Variants in CAP1 observed in about 807,000 individuals in gnomAD.
CAP1 encodes the protein adenylyl cyclase-associated protein 1.
A neutral mutation model predicts 58.2 loss-of-function variants in CAP1; 11 were observed. The ratio of observed to expected loss-of-function variants is 0.19; its 90% CI spans 0.12 to 0.31. The LOEUF (loss-of-function observed/expected upper bound fraction) is 0.31. Among genes scored for constraint, CAP1 ranks in the 10% least tolerant of loss-of-function variants. The pLI is 1.00. For missense variants in CAP1, 423 were observed against 587.5 expected (o/e 0.72, Z 2.89); for synonymous variants, 183 against 213.8 (o/e 0.86, Z 1.26).
chr1:40,043,881 AAAAG>A (rs1645960289), intron 1 of CAP1, among the ~76,000 whole-genome samples: 1 of 151,800 alleles, frequency 6.6e-6, no homozygotes. Context: ...TCTCAAAAAA[AAAAG>A]AAAAGAAAAA....
At chr1:40,050,013 G>C (rs999733761) in intron 1 of CAP1, among the ~76,000 whole-genome samples, 1 of 152,154 alleles carries the variant, frequency 6.6e-6, no homozygotes, top group African/African-American at 2.4e-5. Flanking sequence ...TCCATATAAG[G>C]AAGAACTTTT....
At position 40,064,324 on chromosome 1, in the gene CAP1, T is replaced by C; in HGVS notation, c.392T>C (p.Leu131Pro). 1 of 1,614,180 alleles carries C rather than the reference T, an allele frequency of 6.2e-7. No homozygotes were observed. Among genetic ancestry groups the C allele is most frequent in the Non-Finnish European group, 8.5e-7 (1 of 1,180,002 alleles). The change falls in exon 5 of 13, where the codon CTG becomes CCG. Residue 131 changes from leucine to proline, a missense_variant. Physicochemically the swap from Leu to Pro is moderately conservative, Grantham distance 98. Coordinates refer to ENST00000372805, the MANE Select transcript of CAP1 (RefSeq NM_006367.4). ...CGAGGCAGCAAGTTGTTTAATCACC[T>C]GTCAGCTGTCAGCGAAAGTATCCAG... ...KNRGSKLFNH[L>P]SAVSESIQAL...
intron 1 of CAP1, among the ~76,000 whole-genome samples, chr1:40,059,032 T>TTTTTTTTTTTTTTTGAG (rs1553163419): frequency 2.6e-5 from 4 of 152,016 alleles, no homozygotes; most frequent in African/African-American, 9.7e-5. Context: ...TCTAACTTTC[T>TTTTTTTTTTTTTTTGAG]ACACACAGTA....
Position 40,064,546 on chromosome 1 carries a change from G to T in CAP1, c.511G>T (p.Glu171Ter). ...AMFYTNRVLK[E>*]YKDVDKKHVD... ...GTTTTATACAAACCGAGTCCTCAAA[G>T]AGTACAAAGATGTGTAAGTTCAGCC... The change falls in exon 6 of 13, where the codon GAG (glutamate) becomes TAG (stop). Residue 171 changes from glutamate (E) to a stop codon, truncating the protein, a stop_gained. Coordinates refer to ENST00000372805, the MANE Select transcript of CAP1 (RefSeq NM_006367.4). LOFTEE classifies it high-confidence loss of function. 6.2e-7 allele frequency: 1 copy of T among 1,612,444 alleles called. No individual in the cohort carries two copies. Among genetic ancestry groups the T allele is most frequent in the Non-Finnish European group, 8.5e-7 (1 of 1,179,050 alleles).
chr1:40,058,463 C>T (rs748343825), intron 1 of CAP1, among the ~76,000 whole-genome samples: 4 of 152,160 alleles, frequency 2.6e-5, no homozygotes, highest in African/African-American at 4.8e-5. Flanking sequence ...CAGTGGCTCA[C>T]GCCTGTAATC....
rs781361636 is a variant in CAP1 at position 40,070,302 on chromosome 1, C to G, written c.1117+20C>G. ...CAGTAGGTGAGTCTTTGTCGCTGTC[C>G]CACGCAAGCCCCGTCCCAGAGCCCG... On this transcript the variant is annotated intron_variant, in intron 10 of 12. Transcript: ENST00000372805. 4 of 1,613,820 alleles carry G rather than the reference C, an allele frequency of 2.5e-6. No homozygotes were observed. In the South Asian group the frequency reaches 4.4e-5, roughly 18 times the overall value.
chr1:40,068,835 T>C (rs926345222), intron 8 of CAP1, among the ~76,000 whole-genome samples: 1 of 152,002 alleles, frequency 6.6e-6, no homozygotes, highest in African/African-American at 2.4e-5. Flanking sequence ...TTTTTTATTT[T>C]ATTTTATTTT....
chr1:40,047,518 C>G (rs1300291782), intron 1 of CAP1, among the ~76,000 whole-genome samples: 1 of 152,130 alleles, frequency 6.6e-6, no homozygotes, highest in African/African-American at 2.4e-5. Flanking sequence ...TTCCATATTC[C>G]TACTTGTAGA....
intron 8 of CAP1, 78 bp from the exon 9 acceptor site, chr1:40,069,612 T>C: frequency 7.6e-7 from 1 of 1,311,936 alleles, no homozygotes; most frequent in Non-Finnish European, 1.1e-6. Flanking sequence ...AATTTTCTGT[T>C]AAGGATGTTT....
Position 40,072,152 on chromosome 1 carries a change from T to C in CAP1, c.*619T>C. The C allele has an allele frequency of 5.0e-6, 2 of 399,140 alleles. No homozygotes were observed. Among genetic ancestry groups the C allele is most frequent in the African/African-American group, 2.1e-5 (1 of 48,670 alleles). 24.7% of individuals were successfully genotyped at this position (399,140 alleles called of 1,614,324 possible). A position where few individuals can be genotyped will look rare whatever the true frequency, so the allele number is the denominator to read the frequency against. Reference sequence around the variant, plus strand: ...TAGGAGAGTCTCTGGTACTAGCTGCTGTAGCAGTGCCCTTCATCCAGGGCA... The same window carrying C: ...TAGGAGAGTCTCTGGTACTAGCTGCCGTAGCAGTGCCCTTCATCCAGGGCA... On this transcript the variant is annotated 3_prime_UTR_variant, in exon 13 of 13. Coordinates refer to ENST00000372805, the MANE Select transcript of CAP1 (RefSeq NM_006367.4).
At chr1:40,043,610 C>T (rs1009355348) in intron 1 of CAP1, among the ~76,000 whole-genome samples, 1 of 152,206 alleles carries the variant, frequency 6.6e-6, no homozygotes, top group African/African-American at 2.4e-5. Context: ...GGCACAGTGA[C>T]TCACGCCTGT....
intron 1 of CAP1, among the ~76,000 whole-genome samples, chr1:40,052,876 G>T (rs1465274863): frequency 6.6e-6 from 1 of 151,866 alleles, no homozygotes; most frequent in African/African-American, 2.4e-5. Context: ...GGATCACCAG[G>T]TCAGGAGATT....
intron 4 of CAP1, 23 bp downstream of exon 4, chr1:40,061,835 T>G (rs1185928586): frequency 1.9e-6 from 3 of 1,588,854 alleles, no homozygotes; most frequent in Non-Finnish European, 2.6e-6. Flanking sequence ...CTAGCTGGTT[T>G]CATTTTGGTT....
intron 1 of CAP1, among the ~76,000 whole-genome samples, chr1:40,054,789 C>G (rs1484093200): frequency 2.6e-5 from 4 of 152,082 alleles, no homozygotes; most frequent in Non-Finnish European, 5.9e-5. Context: ...TCATAGCATG[C>G]GCCACCATGC....
chr1:40,052,677 A>C (rs1245935997), intron 1 of CAP1, among the ~76,000 whole-genome samples: 1 of 151,696 alleles, frequency 6.6e-6, no homozygotes, highest in African/African-American at 2.4e-5. Flanking sequence ...TATAGGTGTG[A>C]GCTATCATGC....
chr1:40,050,692 A>G (rs751039193), intron 1 of CAP1, among the ~76,000 whole-genome samples: 1 of 152,028 alleles, frequency 6.6e-6, no homozygotes, highest in Non-Finnish European at 1.5e-5. Flanking sequence ...AAATACAAAT[A>G]TCTTTTGTAG....
upstream of CAP1, chr1:40,040,653 A>C (rs1017162423): frequency 2.0e-5 from 3 of 152,680 alleles, no homozygotes; most frequent in Non-Finnish European, 4.4e-5. Flanking sequence ...GTCGCGGGCC[A>C]GCCTAGCGCT....
intron 1 of CAP1, among the ~76,000 whole-genome samples, chr1:40,045,680 T>G (rs186313582): frequency 6.6e-6 from 1 of 152,150 alleles, no homozygotes; most frequent in African/African-American, 2.4e-5. Flanking sequence ...CTCAGCCTCC[T>G]GAGTAGCTGG....
At chr1:40,070,575 G>C (rs1299113018) in intron 11 of CAP1, 63 bp downstream of exon 11, 1 of 1,299,244 alleles carries the variant, frequency 7.7e-7, no homozygotes, top group African/African-American at 1.5e-5. Flanking sequence ...AGACATGGTA[G>C]ACCCACAGAT....
Sources: gnomAD v4.1 joint callset for allele counts (sites outside exome capture counted in the v4.1 genomes callset) on GRCh38, gnomAD v4.1.1 for gene constraint, MANE v1.5 for transcripts, NCBI Gene and HGNC (gene_info 2026-07-23, HGNC 2026-07-21) for gene names.